The following RPH3AL variants were observed in gnomAD, a reference collection of about 807,000 sequenced individuals.
The protein encoded by RPH3AL is rabphilin 3A like (without C2 domains).
In RPH3AL, 38 loss-of-function variants were observed where a neutral mutation model predicts 43.1. The observed-to-expected ratio is 0.88, with a 90% CI of 0.68 to 1.15. RPH3AL has a LOEUF of 1.15. RPH3AL is among the 50% of genes most tolerant of loss of function. The pLI is 0.00. For synonymous variants in RPH3AL, 189 were observed against 176.3 expected, an observed-to-expected ratio of 1.07 and a Z score of -0.57; for missense variants, 462 against 423.2, an observed-to-expected ratio of 1.09 and a Z score of -0.81.
chr17:327,538 G>A lies in RPH3AL; in HGVS notation c.6C>T (p.Ala2=), dbSNP rs80083441. 37 of 1,613,720 alleles carry A rather than the reference G, an allele frequency of 2.3e-5. No homozygotes were observed. Among genetic ancestry groups the A allele is most frequent in the Non-Finnish European group, 2.6e-5 (31 of 1,179,914 alleles). ...CATTCCCGCTGCCGAAGATGGTGTCGGCCATGGCTCGGAGCACCCGGCTGG... is the reference window on the plus strand; with the variant it reads ...CATTCCCGCTGCCGAAGATGGTGTCAGCCATGGCTCGGAGCACCCGGCTGG... M[A]DTIFGSGNDQ... Residue 2 remains alanine (A), a synonymous_variant, in exon 3 of 10, where the codon GCC becomes GCT. Transcript: ENST00000331302.
chr17:236,208 C>A (rs945409996), intron 7 of RPH3AL, among the ~76,000 whole-genome samples: 1 of 152,254 alleles, frequency 6.6e-6, no homozygotes, highest in Admixed American at 6.5e-5. Context: ...ACAGGACCCC[C>A]ACTCTAATGT....
At chr17:347,030 G>C (rs1275079912) in intron 1 of RPH3AL, among the ~76,000 whole-genome samples, 1 of 135,044 alleles carries the variant, frequency 7.4e-6, no homozygotes, top group African/African-American at 2.5e-5. Flanking sequence ...AGGCCGAGGC[G>C]GGAGGATCAC....
chr17:239,995 TG>T (rs2041489108), intron 7 of RPH3AL, among the ~76,000 whole-genome samples: 1 of 152,164 alleles, frequency 6.6e-6, no homozygotes, highest in Non-Finnish European at 1.5e-5. Context: ...CCTAGCACTT[TG>T]GGAGGCCAAG....
At chr17:214,734 C>T (rs1283375222) in intron 9 of RPH3AL, 1 of 151,952 alleles carries the variant, frequency 6.6e-6, no homozygotes, top group East Asian at 1.9e-4. Flanking sequence ...CACACCAGTG[C>T]ACTCCAGCCC....
chr17:243,352 AC>A (rs1404492202), intron 7 of RPH3AL, among the ~76,000 whole-genome samples: 8 of 95,982 alleles, frequency 8.3e-5, no homozygotes, highest in South Asian at 3.6e-4. Flanking sequence ...TCTACTGATT[AC>A]CCTTCCTCTA....
chr17:281,629 G>A, intron 6 of RPH3AL, 139 bp downstream of exon 6: 1 of 664,156 alleles, frequency 1.5e-6, no homozygotes, highest in Non-Finnish European at 2.7e-6. Flanking sequence ...CCCTCCCAGT[G>A]ACTGTCCACC....
chr17:331,375 T>A (rs1356768081), intron 2 of RPH3AL: 10 of 162,860 alleles, frequency 6.1e-5, no homozygotes, highest in Admixed American at 1.2e-4. Context: ...GGCAGGTTCA[T>A]CACTGATGGC....
chr17:284,359 C>T lies in RPH3AL; in HGVS notation c.352-2505G>A, dbSNP rs1191108525. On this transcript the variant is annotated intron_variant, in intron 5 of 9. Coordinates refer to ENST00000331302, the MANE Select transcript of RPH3AL (RefSeq NM_006987.4). ...GTTCAGACCTCAGGAGGGTCGGTCA[C>T]ACCCTCCCCTGCCCTGGTGCCAGGC... is the stretch of plus-strand genomic sequence containing the variant. Among the ~76,000 whole-genome samples the T allele has an allele frequency of 2.6e-5, 4 of 152,240 alleles. No individual in the cohort carries two copies. In the East Asian group the frequency reaches 5.8e-4, roughly 22 times the overall value.
intron 2 of RPH3AL, among the ~76,000 whole-genome samples, chr17:330,357 A>G (rs1408201527): frequency 2.0e-5 from 3 of 152,178 alleles, no homozygotes; most frequent in African/African-American, 7.2e-5. Context: ...ATCACCCAGG[A>G]CCTCCTCAGA....
chr17:243,282 A>C (rs1221986343), intron 7 of RPH3AL, among the ~76,000 whole-genome samples: 3 of 138,378 alleles, frequency 2.2e-5, no homozygotes, highest in Non-Finnish European at 3.1e-5. Flanking sequence ...TCTATTGATT[A>C]CCTTCCTCTA....
chr17:247,526 C>G (rs1555540702), intron 6 of RPH3AL: 1 of 491,490 alleles, frequency 2.0e-6, no homozygotes, highest in East Asian at 3.4e-5. Flanking sequence ...TGCTCTGCTG[C>G]CCAGGCTGGA....
intron 6 of RPH3AL, among the ~76,000 whole-genome samples, chr17:269,460 G>A (rs770314462): frequency 2.6e-5 from 4 of 152,270 alleles, no homozygotes; most frequent in South Asian, 2.1e-4. Context: ...CAAGGGCCTC[G>A]AACAGTGCCC....
chr17:219,557 C>T, intron 8 of RPH3AL, 66 bp downstream of exon 8: 4 of 337,670 alleles, frequency 1.2e-5, no homozygotes, highest in South Asian at 3.6e-5. Context: ...TGGAGTTTCG[C>T]TCCTGTTGCC....
intron 6 of RPH3AL, chr17:261,908 C>A (rs2042203956): frequency 6.6e-6 from 1 of 152,062 alleles, no homozygotes; most frequent in Non-Finnish European, 1.5e-5. Flanking sequence ...GAGGGCGTCT[C>A]ACAGGAAAAC....
rs149650912 is a variant in RPH3AL, at chr17:240,092, C to T, written c.613+7019G>A. ...ATCTCTACTAAAAATACAAAATTAG[C>T]GGGGCGTGGTGGTGCAAGCCTGTAA... On this transcript the variant is annotated intron_variant, in intron 7 of 9. Transcript: ENST00000331302. 4.3e-3 allele frequency among the ~76,000 whole-genome samples: 647 copies of T among 151,746 alleles called. 4 individuals carry two copies. Among genetic ancestry groups the T allele is most frequent in the African/African-American group, 0.015 (615 of 41,392 alleles).
At position 264,898 on chromosome 17, in the gene RPH3AL, A is replaced by G. The variant is rs1269191588; in HGVS notation, c.438+16870T>C. ...CAATGCAAGACAAAACTCAGTCTAA[A>G]TTACTAATGTACACATAACTGCAAA... On this transcript the variant is annotated intron_variant, in intron 6 of 9. Transcript: ENST00000331302. The surrounding 1 kb of genome is among the most constrained non-coding windows in gnomAD (Gnocchi z 4.8). Among the ~76,000 whole-genome samples, 3 of 152,250 alleles carry G rather than the reference A, an allele frequency of 2.0e-5. No individual in the cohort carries two copies. Among genetic ancestry groups the G allele is most frequent in the African/African-American group, 7.2e-5 (3 of 41,466 alleles).
intron 5 of RPH3AL, among the ~76,000 whole-genome samples, chr17:305,740 T>C (rs2043469342): frequency 6.6e-6 from 1 of 151,920 alleles, no homozygotes. Context: ...CCACATTCTC[T>C]CCCAGGTTAC....
rs968262363 is a variant in RPH3AL, at chr17:264,631, C to T, written c.438+17137G>A. Reference sequence around the variant, plus strand: ...GGAGGGCATGAAGCATGTCACAAGGCCTATTGGACACATTTGTGACCACAC... The same window carrying T: ...GGAGGGCATGAAGCATGTCACAAGGTCTATTGGACACATTTGTGACCACAC... On this transcript the variant is annotated intron_variant, in intron 6 of 9. Coordinates refer to ENST00000331302, the MANE Select transcript of RPH3AL (RefSeq NM_006987.4). The surrounding 1 kb of genome is among the most constrained non-coding windows in gnomAD (Gnocchi z 4.8). Among the ~76,000 whole-genome samples the T allele has an allele frequency of 3.3e-5, 5 of 152,200 alleles. No homozygotes were observed. The highest frequency in any genetic ancestry group is 4.8e-5 in the African/African-American group (2 of 41,438).
At chr17:231,050 C>T (rs1347480908) in intron 7 of RPH3AL, among the ~76,000 whole-genome samples, 1 of 152,230 alleles carries the variant, frequency 6.6e-6, no homozygotes, top group African/African-American at 2.4e-5. Context: ...CCCTCCGTAT[C>T]TGTGTCTTTG....
Sources: allele counts gnomAD v4.1 joint callset (sites outside exome capture counted in the v4.1 genomes callset), GRCh38; gene constraint gnomAD v4.1.1; non-coding constraint Gnocchi (gnomAD v3.1); transcripts MANE v1.5; gene names NCBI Gene and HGNC (gene_info 2026-07-23, HGNC 2026-07-21).